CPVL: variants seen among roughly 807,000 people sequenced by gnomAD.
CPVL encodes the protein carboxypeptidase vitellogenic like.
A neutral mutation model predicts 63.7 loss-of-function variants in CPVL; 51 were observed. The ratio of observed to expected loss-of-function variants is 0.80; its 90% CI spans 0.64 to 1.01. The LOEUF is 1.01. CPVL is among the 50% of genes least tolerant of loss of function. The probability of loss-of-function intolerance (pLI) is 0.00; values close to 1 mark genes in which losing one functional copy is unlikely to be tolerated. For missense variants in CPVL, 530 were observed against 573.1 expected (o/e 0.92, Z 0.77); for synonymous variants, 195 against 206.0 (o/e 0.95, Z 0.46).
intron 7 of CPVL, among the ~76,000 whole-genome samples, chr7:29,074,340 T>C (rs1025513637): frequency 2.0e-5 from 3 of 152,234 alleles, no homozygotes; most frequent in Admixed American, 1.3e-4. Context: ...GGTGTGTTCA[T>C]ATGTCTGAAA....
At chr7:29,195,130 C>A in exon 1 of CPVL, 2 of 851,052 alleles carry the variant, frequency 2.4e-6, no homozygotes, top group Non-Finnish European at 3.4e-6. Context: ...CGGGGTGATA[C>A]TTGTTTGGTT....
At chr7:29,034,412 T>C (rs1788320062) in intron 11 of CPVL, among the ~76,000 whole-genome samples, 2 of 152,008 alleles carry the variant, frequency 1.3e-5, no homozygotes, top group Non-Finnish European at 2.9e-5. Flanking sequence ...CACCTGGCCA[T>C]AGAATGCTTT....
chr7:29,180,857 G>GT (rs1431178038), intron 5 of CPVL, among the ~76,000 whole-genome samples: 2 of 152,144 alleles, frequency 1.3e-5, no homozygotes, highest in South Asian at 2.1e-4. Flanking sequence ...GTTCTAATTT[G>GT]TAATATGGAG....
Position 29,037,287 on chromosome 7 carries a change from A to G in CPVL, c.1138-6528T>C, listed in dbSNP as rs553298977. 2.6e-5 allele frequency among the ~76,000 whole-genome samples: 4 copies of G among 152,078 alleles called. No individual in the cohort carries two copies. The East Asian group carries it at 7.7e-4, about 29-fold the overall frequency. On this transcript the variant is annotated intron_variant, in intron 11 of 12. Coordinates refer to ENST00000265394, the MANE Select transcript of CPVL (RefSeq NM_031311.5). ...TGGCCAGGCGTGGTGGCTCACACCT[A>G]TAATCCCAGCACTTTGGGAGGCCGA...
chr7:29,002,178 A>C (rs1420503697), intron 12 of CPVL, among the ~76,000 whole-genome samples: 1 of 152,224 alleles, frequency 6.6e-6, no homozygotes, highest in Non-Finnish European at 1.5e-5. Flanking sequence ...AGACCAAAAA[A>C]CAAAAACAAA....
chr7:28,994,919 T>G (rs1280991034), downstream of CPVL, among the ~76,000 whole-genome samples: 1 of 152,254 alleles, frequency 6.6e-6, no homozygotes, highest in Non-Finnish European at 1.5e-5. Flanking sequence ...CGAAAAGATG[T>G]GCCAGGATGT....
At chr7:29,068,985 G>A (rs1783431760) in intron 9 of CPVL, among the ~76,000 whole-genome samples, 2 of 151,572 alleles carry the variant, frequency 1.3e-5, no homozygotes, top group East Asian at 2.0e-4. Context: ...GCCCGGCCGA[G>A]GTGTCTTTTT....
rs1376844328 is a variant in CPVL, at chr7:29,064,112, A to G, written c.1086T>C (p.Asp362=). ...GTIVEKYLRE[D]TVQSVKPWLT... ...ACCATGGCTTAACTGACTGTACTGTATCTTCTCGCAAGTACTTTTCAACTA... is the reference window on the plus strand; with the variant it reads ...ACCATGGCTTAACTGACTGTACTGTGTCTTCTCGCAAGTACTTTTCAACTA... The change falls in exon 11 of 13, where the codon GAT becomes GAC. Residue 362 remains aspartate (D), a synonymous_variant. Transcript: ENST00000265394. 2 of 1,613,322 alleles carry G rather than the reference A, an allele frequency of 1.2e-6. No individual in the cohort carries two copies. Among genetic ancestry groups the G allele is most frequent in the East Asian group, 2.2e-5 (1 of 44,860 alleles).
chr7:29,177,237 ATTTTGTTTTG>A (rs10535682), intron 5 of CPVL, among the ~76,000 whole-genome samples: 19,059 of 146,744 alleles, frequency 0.13, 1,482 homozygotes, highest in African/African-American at 0.22. Flanking sequence ...TTTTTGTTTT[ATTTTGTTTTG>A]TTTTGTTTTG....
chr7:29,021,747 C>T (rs1787000227), intron 12 of CPVL, among the ~76,000 whole-genome samples: 1 of 151,960 alleles, frequency 6.6e-6, no homozygotes, highest in Admixed American at 6.6e-5. Flanking sequence ...GGGTCCCACA[C>T]ATCCCCTGAG....
intron 11 of CPVL, among the ~76,000 whole-genome samples, chr7:29,038,872 G>C (rs940603976): frequency 7.2e-5 from 11 of 152,336 alleles, no homozygotes; most frequent in Non-Finnish European, 1.3e-4. Flanking sequence ...AGTTGGAGAA[G>C]AGGGCATGCT....
intron 5 of CPVL, among the ~76,000 whole-genome samples, chr7:29,161,625 T>C (rs1795188443): frequency 6.6e-6 from 1 of 152,180 alleles, no homozygotes; most frequent in Non-Finnish European, 1.5e-5. Context: ...GTAACCACGA[T>C]GGGTAGACTG....
chr7:29,056,946 TTTC>T (rs1424414269), intron 11 of CPVL, among the ~76,000 whole-genome samples: 2 of 105,580 alleles, frequency 1.9e-5, no homozygotes, highest in Admixed American at 1.1e-4. Context: ...ATCTTTTCCT[TTTC>T]TTTTTTTTTT....
intron 9 of CPVL, among the ~76,000 whole-genome samples, chr7:29,067,655 TTGA>T (rs1372441811): frequency 1.3e-5 from 2 of 152,112 alleles, no homozygotes; most frequent in Admixed American, 6.5e-5. Flanking sequence ...AGGGGGGTTG[TTGA>T]TGATGATATT....
At chr7:29,054,726 T>C (rs1163159937) in intron 11 of CPVL, among the ~76,000 whole-genome samples, 2 of 152,236 alleles carry the variant, frequency 1.3e-5, no homozygotes, top group Admixed American at 6.5e-5. Flanking sequence ...TTTCTGTTCT[T>C]ACCCTCTCTG....
intron 12 of CPVL, among the ~76,000 whole-genome samples, chr7:29,005,437 T>C (rs583196): frequency 0.1 from 15,647 of 152,250 alleles, 838 homozygotes; most frequent in Middle Eastern, 0.14. Context: ...CCAGGCTTCT[T>C]TGATTTCCCT....
intron 11 of CPVL, 118 bp downstream of exon 11, chr7:29,063,943 T>C: frequency 1.5e-6 from 1 of 660,758 alleles, no homozygotes. Context: ...CTGTTATTTA[T>C]GCTAATGACA....
chr7:29,186,873 G>C lies in CPVL; in HGVS notation c.-447-326C>G, dbSNP rs527266710. 2.8e-3 allele frequency among the ~76,000 whole-genome samples: 418 copies of C among 151,790 alleles called. 3 individuals are homozygous for C. The highest frequency in any genetic ancestry group is 4.0e-3 in the Non-Finnish European group (271 of 67,920). On this transcript the variant is annotated intron_variant, in intron 1 of 16. Transcript: ENST00000409850. ...GATAAATTACTTACCCTAATTTTTT[G>C]TTTTCTTAACCAAAAAGAGCAGGGA...
intron 11 of CPVL, among the ~76,000 whole-genome samples, chr7:29,062,446 C>T (rs1320359352): frequency 6.6e-6 from 1 of 152,232 alleles, no homozygotes; most frequent in Non-Finnish European, 1.5e-5. Context: ...CCTAGTTAGA[C>T]TCTTTCTTTC....
Sources: allele counts gnomAD v4.1 joint callset (sites outside exome capture counted in the v4.1 genomes callset), GRCh38; gene constraint gnomAD v4.1.1; transcripts MANE v1.5; gene names NCBI Gene and HGNC (gene_info 2026-07-23, HGNC 2026-07-21).